Variants in THADA observed in about 807,000 individuals in gnomAD.
The protein encoded by THADA is THADA armadillo repeat containing, also known as tRNA (32-2'-O)-methyltransferase regulator THADA.
A neutral mutation model predicts 219.8 loss-of-function variants in THADA; 213 were observed. The ratio of observed to expected loss-of-function variants is 0.97; its 90% CI spans 0.87 to 1.09. THADA has a LOEUF of 1.09. Ranked by LOEUF, THADA falls within the 50% of genes least tolerant of loss-of-function variation. The pLI is 0.00. For synonymous variants in THADA, 1,018 were observed against 828.9 expected (o/e 1.23, Z -3.92); for missense variants, 2,956 against 2,311.3 (o/e 1.28, Z -5.72).
chr2:43,528,032 T>G, intron 21 of THADA, 44 bp from the exon 22 acceptor site: 1 of 1,442,814 alleles, frequency 6.9e-7, no homozygotes, highest in Non-Finnish European at 9.7e-7. Flanking sequence ...TATGTTTACA[T>G]TCGCAAGTGT....
intron 31 of THADA, among the ~76,000 whole-genome samples, chr2:43,296,312 G>A (rs1558537150): frequency 6.6e-6 from 1 of 151,224 alleles, no homozygotes; most frequent in Non-Finnish European, 1.5e-5. Flanking sequence ...ATCTCCCTCG[G>A]TCACCCAGGC....
In THADA at chr2:43,581,950, A is replaced by G. The variant is rs116115716; in HGVS notation, c.534-22T>C. ...TTTTCTATAAAGAAGAAAAGACATT[A>G]TTACAAAAGGAAATTCAAACAAAAG... On this transcript the variant is annotated intron_variant, in intron 7 of 37. Transcript: ENST00000405975. The G allele has an allele frequency of 2.1e-3, 3,062 of 1,490,696 alleles. 57 individuals are homozygous for G. The African/African-American group carries it at 0.039, about 19-fold the overall frequency. 92.3% of individuals were successfully genotyped at this position (1,490,696 alleles called of 1,614,324 possible).
At chr2:43,582,420 C>G (rs1700556357) in intron 7 of THADA, among the ~76,000 whole-genome samples, 1 of 151,024 alleles carries the variant, frequency 6.6e-6, no homozygotes, top group African/African-American at 2.4e-5. Context: ...TCGCTTGAAC[C>G]CCAGAGGTGG....
At chr2:43,480,306 C>A (rs1292400368) in intron 26 of THADA, among the ~76,000 whole-genome samples, 1 of 152,168 alleles carries the variant, frequency 6.6e-6, no homozygotes, top group Non-Finnish European at 1.5e-5. Context: ...AGAAATGTTA[C>A]CTTCCTTCAC....
chr2:43,487,979 G>A (rs1430184935), intron 25 of THADA, among the ~76,000 whole-genome samples: 1 of 152,038 alleles, frequency 6.6e-6, no homozygotes, highest in African/African-American at 2.4e-5. Context: ...TATTCTATAG[G>A]CCTTCTGCAT....
chr2:43,231,373 T>C, intron 37 of THADA, 30 bp from the exon 38 acceptor site: 2 of 1,484,758 alleles, frequency 1.3e-6, no homozygotes, highest in East Asian at 2.4e-5. Context: ...CGAAAGTCAG[T>C]CTTACAGGGA....
chr2:43,556,978 G>T (rs977685217), intron 16 of THADA, among the ~76,000 whole-genome samples: 3 of 152,174 alleles, frequency 2.0e-5, no homozygotes, highest in African/African-American at 7.2e-5. Context: ...AGCCATTCAA[G>T]AGGCTGAGAG....
intron 26 of THADA, among the ~76,000 whole-genome samples, chr2:43,448,465 C>A (rs1352648825): frequency 2.0e-5 from 3 of 151,420 alleles, no homozygotes; most frequent in African/African-American, 7.3e-5. Flanking sequence ...GGCAGGCAGC[C>A]ATTGTTGCAA....
At chr2:43,443,631 G>T (rs1278511306) in intron 26 of THADA, among the ~76,000 whole-genome samples, 1 of 152,230 alleles carries the variant, frequency 6.6e-6, no homozygotes, top group Non-Finnish European at 1.5e-5. Context: ...GTAAGTTCAA[G>T]CTCCTAGGAA....
chr2:43,315,273 G>C (rs1677945730), intron 31 of THADA, among the ~76,000 whole-genome samples: 1 of 152,006 alleles, frequency 6.6e-6, no homozygotes, highest in South Asian at 2.1e-4. Flanking sequence ...TAGTAAAATA[G>C]AAAATAAGAG....
Position 43,344,193 on chromosome 2 carries a change from C to A in THADA, c.4272G>T (p.Thr1424=). 3 of 1,612,584 alleles carry A rather than the reference C, an allele frequency of 1.9e-6. No homozygotes were observed. In the South Asian group the frequency reaches 3.3e-5, roughly 18 times the overall value. The change falls in exon 30 of 38, where the codon ACG becomes ACT. Residue 1424 remains threonine, a synonymous_variant. Transcript: ENST00000405975. The part of the protein sequence containing the change: ...LQAYSDSKHG[T]NSDFQHELTD... ...TCAGCTCGTGCTGGAAGTCTGAATT[C>A]GTTCCGTGTTTGGAGTCTGAGTAGG...
At chr2:43,302,678 TGAAA>T (rs1483922147) in intron 31 of THADA, among the ~76,000 whole-genome samples, 1 of 151,864 alleles carries the variant, frequency 6.6e-6, no homozygotes, top group Non-Finnish European at 1.5e-5. Context: ...TATCACTTCA[TGAAA>T]GAAAGTCTCT....
At chr2:43,368,266 AC>A (rs1670395778) in intron 29 of THADA, among the ~76,000 whole-genome samples, 1 of 152,220 alleles carries the variant, frequency 6.6e-6, no homozygotes, top group African/African-American at 2.4e-5. Flanking sequence ...TTAAGGAGGT[AC>A]AAAAGTTCAT....
At chr2:43,341,492 T>C (rs1005037226) in intron 30 of THADA, among the ~76,000 whole-genome samples, 1 of 152,166 alleles carries the variant, frequency 6.6e-6, no homozygotes, top group South Asian at 2.1e-4. Context: ...TCAGCCATCT[T>C]CAGGCACTGC....
chr2:43,548,196 G>A (rs539849489), intron 20 of THADA, among the ~76,000 whole-genome samples: 9 of 152,296 alleles, frequency 5.9e-5, no homozygotes, highest in South Asian at 2.1e-4. Context: ...TGTGAACCGC[G>A]AATGCTGCTG....
In THADA at chr2:43,383,571, A is replaced by C. The variant is rs1672285953; in HGVS notation, c.4227+14400T>G. Among the ~76,000 whole-genome samples, 5 of 152,318 alleles carry C rather than the reference A, an allele frequency of 3.3e-5. No homozygotes were observed. In the South Asian group the frequency reaches 1.0e-3, roughly 32 times the overall value. On this transcript the variant is annotated intron_variant, in intron 29 of 37. Coordinates refer to ENST00000405975, the MANE Select transcript of THADA (RefSeq NM_022065.5). The stretch of plus-strand genomic sequence containing the variant: ...GGAGCCCCAGTACAGCATCCTGAAA[A>C]ACGTTCATCTGAATTAGTACTTAAA...
intron 36 of THADA, among the ~76,000 whole-genome samples, chr2:43,238,138 AAAAAAAAAAAAAAAG>A (rs1668249248): frequency 2.1e-5 from 3 of 146,188 alleles, no homozygotes; most frequent in African/African-American, 7.6e-5. Flanking sequence ...AAAAAAAAAA[AAAAAAAAAAAAAAAG>A]GAAGGAAAGA....
At chr2:43,289,194 C>T (rs1305105776) in intron 34 of THADA, among the ~76,000 whole-genome samples, 5 of 152,226 alleles carry the variant, frequency 3.3e-5, no homozygotes, top group Non-Finnish European at 7.3e-5. Context: ...GGATACATTA[C>T]ATTTTGCTTA....
intron 31 of THADA, among the ~76,000 whole-genome samples, chr2:43,313,483 C>T (rs1009773967): frequency 2.0e-5 from 3 of 152,140 alleles, no homozygotes; most frequent in African/African-American, 7.2e-5. Context: ...ACAAAGAAAC[C>T]ACAAAATGTA....
Sources: gnomAD v4.1 joint callset for allele counts (sites outside exome capture counted in the v4.1 genomes callset) on GRCh38, gnomAD v4.1.1 for gene constraint, MANE v1.5 for transcripts, NCBI Gene and HGNC (gene_info 2026-07-23, HGNC 2026-07-21) for gene names.